DSCAM: variants seen among roughly 807,000 people sequenced by gnomAD.
DSCAM encodes DS cell adhesion molecule.
In DSCAM, 47 loss-of-function variants were observed where a neutral mutation model predicts 217.7. The observed-to-expected ratio is 0.22, with a 90% CI of 0.17 to 0.28. DSCAM has a LOEUF of 0.28. DSCAM is among the 10% of genes least tolerant of loss of function. The probability of loss-of-function intolerance (pLI) is 1.00; values close to 1 mark genes in which losing one functional copy is unlikely to be tolerated. For missense variants in DSCAM, 2,080 were observed against 2,618.3 expected (o/e 0.79, Z 4.49); for synonymous variants, 1,056 against 1,015.3 (o/e 1.04, Z -0.76).
intron 3 of DSCAM, among the ~76,000 whole-genome samples, chr21:40,376,612 TATAG>T (rs1474826161): frequency 2.6e-4 from 2 of 7,762 alleles, no homozygotes; most frequent in South Asian, 8.5e-3. Flanking sequence ...ATATATCTTA[TATAG>T]ATATCGATAT....
intron 3 of DSCAM, among the ~76,000 whole-genome samples, chr21:40,595,438 G>A (rs2146251318): frequency 6.6e-6 from 1 of 151,912 alleles, no homozygotes; most frequent in Middle Eastern, 3.4e-3. Flanking sequence ...GGAGAGAAGA[G>A]AAAAAAGAAA....
chr21:40,168,289 C>T (rs750101749), intron 15 of DSCAM, among the ~76,000 whole-genome samples: 7 of 152,192 alleles, frequency 4.6e-5, no homozygotes, highest in Non-Finnish European at 8.8e-5. Flanking sequence ...ATTCCAATTA[C>T]ATCCCAGTTA....
At chr21:40,078,106 A>C (rs372409843) in intron 26 of DSCAM, among the ~76,000 whole-genome samples, 1 of 152,226 alleles carries the variant, frequency 6.6e-6, no homozygotes, top group African/African-American at 2.4e-5. Flanking sequence ...TAATGTCAAG[A>C]GACACCTCAC....
intron 28 of DSCAM, among the ~76,000 whole-genome samples, chr21:40,057,138 C>A (rs2089038247): frequency 6.6e-6 from 1 of 152,200 alleles, no homozygotes; most frequent in African/African-American, 2.4e-5. Flanking sequence ...AGGACTTGAT[C>A]TTGAACCAGA....
At chr21:40,331,706 G>T (rs538447070) in intron 8 of DSCAM, among the ~76,000 whole-genome samples, 1 of 152,056 alleles carries the variant, frequency 6.6e-6, no homozygotes, top group Non-Finnish European at 1.5e-5. Context: ...ATGAGAAATC[G>T]CCACAAATAT....
chr21:40,576,547 T>C (rs541171567), intron 3 of DSCAM, among the ~76,000 whole-genome samples: 11 of 152,172 alleles, frequency 7.2e-5, no homozygotes, highest in South Asian at 2.1e-4. Flanking sequence ...GTGCCTTTTA[T>C]TGTATATAAA....
At chr21:40,672,529 A>G (rs991601749) in intron 3 of DSCAM, among the ~76,000 whole-genome samples, 25 of 152,168 alleles carry the variant, frequency 1.6e-4, no homozygotes, top group African/African-American at 6.0e-4. Flanking sequence ...AGAAAAAAGA[A>G]AACAGCTTGA....
intron 28 of DSCAM, among the ~76,000 whole-genome samples, chr21:40,061,588 A>AG (rs1218209070): frequency 6.6e-6 from 1 of 151,004 alleles, no homozygotes; most frequent in African/African-American, 2.4e-5. Flanking sequence ...AAAAAAAAGA[A>AG]AAAGGAAAAG....
chr21:40,300,404 A>T (rs1389526612), intron 9 of DSCAM, among the ~76,000 whole-genome samples: 1 of 152,196 alleles, frequency 6.6e-6, no homozygotes, highest in African/African-American at 2.4e-5. Flanking sequence ...CTCCACTGCC[A>T]CACCCCAGTC....
intron 32 of DSCAM, among the ~76,000 whole-genome samples, chr21:40,030,790 G>T (rs537853078): frequency 6.6e-6 from 1 of 152,298 alleles, no homozygotes; most frequent in Admixed American, 6.5e-5. Context: ...TAGAATTTCA[G>T]TGTCTTCTTA....
At chr21:40,124,080 A>G in intron 20 of DSCAM, 115 bp downstream of exon 20, 1 of 1,451,914 alleles carries the variant, frequency 6.9e-7, no homozygotes, top group Non-Finnish European at 9.4e-7. Flanking sequence ...GCAAAACAAA[A>G]CCACTGGAAA....
chr21:40,140,030 T>C (rs1285095167), intron 18 of DSCAM, among the ~76,000 whole-genome samples: 1 of 151,858 alleles, frequency 6.6e-6, no homozygotes, highest in African/African-American at 2.4e-5. Context: ...TGCGCACGTG[T>C]ATGTGGTGTC....
rs758689329 is a variant in DSCAM, at chr21:40,133,939, G to T, written c.3477C>A (p.Thr1159=). ...AGGCCAGCACCTGGATGCTGTAGTT[G>T]GTGTACTTTTCCAGCCCGTCCAGCT... ...SLELDGLEKY[T]NYSIQVLAFT... is the part of the protein sequence containing the mutation. Residue 1159 remains threonine, a synonymous_variant, in exon 19 of 33, where the codon ACC becomes ACA. Coordinates refer to ENST00000400454, the MANE Select transcript of DSCAM (RefSeq NM_001389.5). The T allele has an allele frequency of 6.2e-7, 1 of 1,613,492 alleles. No individual in the cohort carries two copies. The highest frequency in any genetic ancestry group is 2.2e-5 in the East Asian group (1 of 44,772).
At chr21:40,100,675 G>A (rs903000601) in intron 20 of DSCAM, among the ~76,000 whole-genome samples, 4 of 146,722 alleles carry the variant, frequency 2.7e-5, no homozygotes, top group African/African-American at 1.0e-4. Flanking sequence ...GCAAAGCTTC[G>A]CTATCAAGGA....
At chr21:40,017,362 A>T (rs2088177436) in intron 32 of DSCAM, among the ~76,000 whole-genome samples, 1 of 152,088 alleles carries the variant, frequency 6.6e-6, no homozygotes, top group African/African-American at 2.4e-5. Context: ...CTTTTTCAGG[A>T]TATCTTTATT....
intron 3 of DSCAM, among the ~76,000 whole-genome samples, chr21:40,551,499 A>C (rs8132941): frequency 0.45 from 68,159 of 151,896 alleles, 16,574 homozygotes; most frequent in Admixed American, 0.55. Context: ...AATGTTTCCC[A>C]TTCAGACTTT....
intron 3 of DSCAM, among the ~76,000 whole-genome samples, chr21:40,689,336 C>G (rs1274578311): frequency 6.6e-6 from 1 of 152,234 alleles, no homozygotes; most frequent in Non-Finnish European, 1.5e-5. Flanking sequence ...CAGGTCTTTG[C>G]TGCTCCGACC....
At chr21:40,528,200 G>C (rs954098227) in intron 3 of DSCAM, among the ~76,000 whole-genome samples, 1 of 152,044 alleles carries the variant, frequency 6.6e-6, no homozygotes, top group African/African-American at 2.4e-5. Flanking sequence ...ATATTTAATG[G>C]TGAAATTCAA....
intron 8 of DSCAM, among the ~76,000 whole-genome samples, chr21:40,328,711 A>ATG (rs142493386): frequency 0.026 from 4,021 of 152,298 alleles, 180 homozygotes; most frequent in East Asian, 0.24. Flanking sequence ...ACCTATATAT[A>ATG]GAAGGAAAGA....
Sources: allele counts gnomAD v4.1 joint callset (sites outside exome capture counted in the v4.1 genomes callset), GRCh38; gene constraint gnomAD v4.1.1; transcripts MANE v1.5; gene names NCBI Gene and HGNC (gene_info 2026-07-23, HGNC 2026-07-21).